PLCB1: variants seen among roughly 807,000 people sequenced by gnomAD.
PLCB1 encodes 1-phosphatidylinositol 4,5-bisphosphate phosphodiesterase beta-1.
PLCB1 carries 46 observed loss-of-function variants against 161.8 expected under a neutral mutation model. The ratio of observed to expected loss-of-function variants is 0.28; its 90% CI spans 0.22 to 0.36. The LOEUF (loss-of-function observed/expected upper bound fraction) is 0.36. Among genes scored for constraint, PLCB1 ranks in the 10% least tolerant of loss-of-function variants. The pLI, the probability that PLCB1 is intolerant of heterozygous loss-of-function variation, is 1.00. For missense variants in PLCB1, 1,016 were observed against 1,472.5 expected, an observed-to-expected ratio of 0.69 and a Z score of 5.07; for synonymous variants, 517 against 503.7, an observed-to-expected ratio of 1.03 and a Z score of -0.35.
chr20:8,650,269 A>G (rs1989278595), intron 7 of PLCB1, among the ~76,000 whole-genome samples: 1 of 152,092 alleles, frequency 6.6e-6, no homozygotes, highest in Non-Finnish European at 1.5e-5. Flanking sequence ...AGGACCAGCT[A>G]AAACAGGGGG....
chr20:8,833,602 C>T (rs930195127), intron 31 of PLCB1, among the ~76,000 whole-genome samples: 1 of 152,220 alleles, frequency 6.6e-6, no homozygotes, highest in Middle Eastern at 3.4e-3. Context: ...GGTGCAGGCT[C>T]AGGTCAAGGA....
chr20:8,432,892 A>G (rs1980114891), intron 3 of PLCB1, among the ~76,000 whole-genome samples: 1 of 152,206 alleles, frequency 6.6e-6, no homozygotes, highest in African/African-American at 2.4e-5. Flanking sequence ...ACTGAACTCC[A>G]TGCCTGGATG....
At chr20:8,217,292 A>G (rs1388485912) in intron 2 of PLCB1, among the ~76,000 whole-genome samples, 5 of 152,164 alleles carry the variant, frequency 3.3e-5, no homozygotes, top group African/African-American at 9.6e-5. Context: ...CAGTGAAACC[A>G]TGGGGTCAGA....
At chr20:8,290,459 T>C (rs1292177911) in intron 2 of PLCB1, among the ~76,000 whole-genome samples, 1 of 152,140 alleles carries the variant, frequency 6.6e-6, no homozygotes. Flanking sequence ...AGGTTCACAC[T>C]TAGGTTTTAT....
chr20:8,498,393 C>T (rs1983268000), intron 3 of PLCB1, among the ~76,000 whole-genome samples: 1 of 152,226 alleles, frequency 6.6e-6, no homozygotes, highest in South Asian at 2.1e-4. Context: ...CCACGCCCGA[C>T]CACCTTTATG....
chr20:8,793,767 T>C (rs1294494628), intron 31 of PLCB1, among the ~76,000 whole-genome samples: 1 of 152,156 alleles, frequency 6.6e-6, no homozygotes, highest in East Asian at 1.9e-4. Flanking sequence ...TAACATCTTA[T>C]CAGTAGACAG....
chr20:8,799,040 G>A (rs76738423), intron 31 of PLCB1, among the ~76,000 whole-genome samples: 2,801 of 152,206 alleles, frequency 0.018, 89 homozygotes, highest in South Asian at 0.16. Context: ...TTGTCTATTG[G>A]CCCCATAAGG....
At chr20:8,859,182 A>T (rs993461250) in intron 31 of PLCB1, among the ~76,000 whole-genome samples, 3 of 152,220 alleles carry the variant, frequency 2.0e-5, no homozygotes, top group Admixed American at 6.5e-5. Flanking sequence ...ACTTAGGAAG[A>T]GTTAGCTTGT....
At chr20:8,662,360 A>ATGTATAATATATAATTG (rs1989690705) in intron 9 of PLCB1, among the ~76,000 whole-genome samples, 7 of 110,816 alleles carry the variant, frequency 6.3e-5, no homozygotes, top group South Asian at 5.8e-4. Context: ...ATATGTAATT[A>ATGTATAATATATAATTG]TTTATTATAT....
intron 2 of PLCB1, among the ~76,000 whole-genome samples, chr20:8,173,500 G>A (rs2051752993): frequency 6.6e-6 from 1 of 152,126 alleles, no homozygotes; most frequent in Admixed American, 6.5e-5. Context: ...CAGAACTCAT[G>A]TGATAAACTT....
chr20:8,510,144 T>C (rs148590892), intron 3 of PLCB1, among the ~76,000 whole-genome samples: 40 of 152,290 alleles, frequency 2.6e-4, no homozygotes, highest in Non-Finnish European at 5.0e-4. Flanking sequence ...AATGTAAAAG[T>C]AATTTTATTT....
rs1328847840 is a variant in PLCB1, at chr20:8,714,518, AG to A, written c.1251-1744del. On this transcript the variant is annotated intron_variant, in intron 12 of 31. Coordinates refer to ENST00000338037, the MANE Select transcript of PLCB1 (RefSeq NM_015192.4). ...CAGCCACTTCTCTGCCTGCTCCCAA[AG>A]GTCTCATAGACACAGTTTCTAATGA... 1.4e-4 allele frequency among the ~76,000 whole-genome samples: 21 copies of A among 152,160 alleles called. No individual in the cohort carries two copies. The South Asian group carries it at 1.4e-3, about 10-fold the overall frequency.
chr20:8,166,183 A>G (rs997408442), intron 2 of PLCB1, among the ~76,000 whole-genome samples: 1 of 152,086 alleles, frequency 6.6e-6, no homozygotes, highest in Non-Finnish European at 1.5e-5. Context: ...AGACCTGCCT[A>G]TGCTCTCCCC....
Position 8,224,876 on chromosome 20 carries a change from C to T in PLCB1, c.177+74505C>T, listed in dbSNP as rs542170649. Among the ~76,000 whole-genome samples, 7 of 152,292 alleles carry T rather than the reference C, an allele frequency of 4.6e-5. No individual in the cohort carries two copies. The South Asian group carries it at 1.2e-3, about 27-fold the overall frequency. On this transcript the variant is annotated intron_variant, in intron 2 of 31. Coordinates refer to ENST00000338037, the MANE Select transcript of PLCB1 (RefSeq NM_015192.4). ...TTCGTCTGGTTTTGAACTTCATATA[C>T]ACGGAATCACAGTGTGTACTCATTT...
At chr20:8,161,265 T>C (rs562542728) in intron 2 of PLCB1, among the ~76,000 whole-genome samples, 108 of 152,356 alleles carry the variant, frequency 7.1e-4, no homozygotes, top group African/African-American at 2.5e-3. Flanking sequence ...AGTGTGTCTA[T>C]ATGCCGTGCT....
intron 31 of PLCB1, among the ~76,000 whole-genome samples, chr20:8,830,758 G>A (rs1985942613): frequency 6.6e-6 from 1 of 151,994 alleles, no homozygotes; most frequent in Admixed American, 6.6e-5. Flanking sequence ...TCTCTCTGAA[G>A]GCTGGCATCA....
At chr20:8,300,289 A>G (rs1983840553) in intron 2 of PLCB1, among the ~76,000 whole-genome samples, 1 of 152,204 alleles carries the variant, frequency 6.6e-6, no homozygotes, top group Non-Finnish European at 1.5e-5. Context: ...CATTGGCGGA[A>G]ACAAATCACA....
chr20:8,845,121 T>TAAAC (rs1568622531), intron 31 of PLCB1, among the ~76,000 whole-genome samples: 1 of 130,498 alleles, frequency 7.7e-6, no homozygotes, highest in African/African-American at 2.7e-5. Context: ...CTCAAAAAAA[T>TAAAC]AAATAAATAA....
chr20:8,387,694 C>T (rs1401595767), intron 3 of PLCB1, among the ~76,000 whole-genome samples: 1 of 152,170 alleles, frequency 6.6e-6, no homozygotes, highest in Non-Finnish European at 1.5e-5. Flanking sequence ...CCCACAATAT[C>T]TGCAAAGCAC....
Sources: allele counts gnomAD v4.1 joint callset (sites outside exome capture counted in the v4.1 genomes callset), GRCh38; gene constraint gnomAD v4.1.1; transcripts MANE v1.5; gene names NCBI Gene and HGNC (gene_info 2026-07-23, HGNC 2026-07-21).